APP: variants seen among roughly 807,000 people sequenced by gnomAD.
The protein encoded by APP is amyloid-beta precursor protein.
A neutral mutation model predicts 101.4 loss-of-function variants in APP; 31 were observed. The ratio of observed to expected loss-of-function variants is 0.31; its 90% CI spans 0.23 to 0.41. The LOEUF is 0.41. APP is among the 10% of genes least tolerant of loss of function. The pLI is 1.00. For missense variants in APP, 839 were observed against 1,003.7 expected (o/e 0.84, Z 2.22); for synonymous variants, 366 against 364.4 (o/e 1.00, Z -0.05).
Position 26,118,787 on chromosome 21 carries a change from G to A in APP, c.58-6641C>T, listed in dbSNP as rs955293499. On this transcript the variant is annotated intron_variant, in intron 1 of 17. Transcript: ENST00000346798. ...ACTCCTGACCTCAAGTGATCTGCCCGCCTCGGCCTCCCAAAGTGCTGGGAT... is the reference window on the plus strand; with the variant it reads ...ACTCCTGACCTCAAGTGATCTGCCCACCTCGGCCTCCCAAAGTGCTGGGAT... 8.6e-5 allele frequency among the ~76,000 whole-genome samples: 13 copies of A among 151,718 alleles called. 1 individual carries two copies. The highest frequency in any genetic ancestry group is 7.9e-4 in the Admixed American group (12 of 15,238).
At chr21:26,030,115 G>C (rs1460452935) in intron 5 of APP, among the ~76,000 whole-genome samples, 4 of 152,166 alleles carry the variant, frequency 2.6e-5, no homozygotes, top group African/African-American at 9.7e-5. Flanking sequence ...CCTAGCAATA[G>C]AGCAACAATC....
chr21:26,088,861 G>T (rs1433583120), intron 3 of APP, among the ~76,000 whole-genome samples: 3 of 152,126 alleles, frequency 2.0e-5, no homozygotes, highest in Non-Finnish European at 4.4e-5. Flanking sequence ...CAATTACATT[G>T]TAAGTAAATT....
intron 13 of APP, among the ~76,000 whole-genome samples, chr21:25,944,581 G>A (rs1367503826): frequency 6.6e-6 from 1 of 152,172 alleles, no homozygotes; most frequent in African/African-American, 2.4e-5. Flanking sequence ...ACAAACTCAT[G>A]TCATTCCCAG....
chr21:25,897,975 G>A, intron 15 of APP: 1 of 408,370 alleles, frequency 2.4e-6, no homozygotes, highest in Non-Finnish European at 4.5e-6. Context: ...TTGAGAGGTT[G>A]GCAAGGATTT....
intron 16 of APP, among the ~76,000 whole-genome samples, chr21:25,893,678 T>G (rs1273718054): frequency 6.6e-6 from 1 of 152,026 alleles, no homozygotes; most frequent in Non-Finnish European, 1.5e-5. Context: ...GAAAAAAAAG[T>G]TGGGAGAGGT....
At chr21:26,089,628 C>T (rs2061778534) in intron 3 of APP, 4 of 231,058 alleles carry the variant, frequency 1.7e-5, no homozygotes, top group Admixed American at 5.0e-5. Context: ...ATCATCTATG[C>T]GATACGGTAA....
intron 13 of APP, among the ~76,000 whole-genome samples, chr21:25,946,613 C>A (rs1465321994): frequency 2.6e-5 from 4 of 152,130 alleles, no homozygotes; most frequent in Admixed American, 2.0e-4. Context: ...TTGCAGTGAA[C>A]TGAGATCATG....
chr21:25,950,323 A>C (rs1415052726), intron 13 of APP, among the ~76,000 whole-genome samples: 1 of 151,862 alleles, frequency 6.6e-6, no homozygotes. Flanking sequence ...ATTTTACTTG[A>C]ATCTTGAAAG....
At chr21:25,955,845 T>A in intron 11 of APP, 90 bp from the exon 12 acceptor site, 2 of 1,587,730 alleles carry the variant, frequency 1.3e-6, no homozygotes, top group South Asian at 2.2e-5. Context: ...CACTAATGCA[T>A]CCGGTCATGT....
chr21:25,897,694 A>G (rs763783090), intron 15 of APP, 21 bp from the exon 16 acceptor site: 1 of 1,577,186 alleles, frequency 6.3e-7, no homozygotes, highest in Non-Finnish European at 8.7e-7. Flanking sequence ...TCATAATTAA[A>G]GTATGCAGGA....
At chr21:25,998,068 A>G (rs765227886) in intron 7 of APP, among the ~76,000 whole-genome samples, 4 of 152,204 alleles carry the variant, frequency 2.6e-5, no homozygotes, top group Non-Finnish European at 4.4e-5. Flanking sequence ...GGTGAGGTGG[A>G]GAGAATTTTA....
At chr21:26,161,667 AT>A (rs991933165) in intron 1 of APP, among the ~76,000 whole-genome samples, 1 of 152,152 alleles carries the variant, frequency 6.6e-6, no homozygotes, top group African/African-American at 2.4e-5. Flanking sequence ...TAGTCTGCAT[AT>A]TTTCACATTT....
chr21:25,882,854 A>T (rs1216994974), intron 17 of APP, among the ~76,000 whole-genome samples: 1 of 152,182 alleles, frequency 6.6e-6, no homozygotes, highest in African/African-American at 2.4e-5. Flanking sequence ...TGGGCTGCTC[A>T]TTCATCTCTG....
At chr21:26,035,014 G>A (rs2045037485) in intron 5 of APP, among the ~76,000 whole-genome samples, 1 of 152,140 alleles carries the variant, frequency 6.6e-6, no homozygotes, top group Non-Finnish European at 1.5e-5. Context: ...GGCCAGGCAT[G>A]GTGGCTCATG....
At position 25,881,472 on chromosome 21, in the gene APP, G is replaced by C; in HGVS notation, c.*198C>G. 1.5e-6 allele frequency: 1 copy of C among 654,756 alleles called. No homozygotes were observed. Among genetic ancestry groups the C allele is most frequent in the South Asian group, 1.8e-5 (1 of 56,534 alleles). 40.6% of individuals were successfully genotyped at this position (654,756 alleles called of 1,614,324 possible). A position where few individuals can be genotyped will look rare whatever the true frequency, so the allele number is the denominator to read the frequency against. ...TAGTATAGAGACCAAAATGTAAAGA[G>C]AGATAGAATACATTACTGATGTGTG... On this transcript the variant is annotated 3_prime_UTR_variant, in exon 18 of 18. Transcript: ENST00000346798.
At chr21:25,968,280 GA>G (rs2041872407) in intron 11 of APP, among the ~76,000 whole-genome samples, 1 of 150,934 alleles carries the variant, frequency 6.6e-6, no homozygotes, top group Admixed American at 6.6e-5. Context: ...GAGTAGCTGC[GA>G]CTACAGGCGC....
intron 3 of APP, among the ~76,000 whole-genome samples, chr21:26,082,245 A>ATAAG: frequency 6.6e-6 from 1 of 152,180 alleles, no homozygotes; most frequent in Admixed American, 6.5e-5. Flanking sequence ...AAATAAATAA[A>ATAAG]TAAATAATCC....
chr21:26,149,265 T>C (rs1002878298), intron 1 of APP, among the ~76,000 whole-genome samples: 10 of 152,174 alleles, frequency 6.6e-5, no homozygotes, highest in Non-Finnish European at 1.5e-4. Flanking sequence ...GTAAAGACAA[T>C]GAAAACATAG....
At position 25,975,081 on chromosome 21, in the gene APP, C is replaced by G. The variant is rs1351653279; in HGVS notation, c.1447G>C (p.Val483Leu). The change falls in exon 11 of 18, where the codon GTT becomes CTT. Residue 483 changes from valine (V) to leucine (L), a missense_variant. Coordinates refer to ENST00000346798, the MANE Select transcript of APP (RefSeq NM_000484.4). ...LENYITALQA[V>L]PPRPRHVFNM... ...GCAGCGAGACCTACCCGAGGAGGAA[C>G]AGCCTGCAGAGCGGTGATGTAGTTC... 6.2e-7 allele frequency: 1 copy of G among 1,614,000 alleles called. No individual in the cohort carries two copies. The highest frequency in any genetic ancestry group is 8.5e-7 in the Non-Finnish European group (1 of 1,180,036).
Sources: gnomAD v4.1 joint callset for allele counts (sites outside exome capture counted in the v4.1 genomes callset) on GRCh38, gnomAD v4.1.1 for gene constraint, MANE v1.5 for transcripts, NCBI Gene and HGNC (gene_info 2026-07-23, HGNC 2026-07-21) for gene names.